Variants in FAM171B observed in about 807,000 individuals in gnomAD.
FAM171B encodes protein FAM171B.
Under a neutral mutation model 75.6 loss-of-function variants are expected in FAM171B, and 19 were observed. That is an observed-to-expected ratio of 0.25 (90% CI 0.18 to 0.37). The LOEUF (loss-of-function observed/expected upper bound fraction) is 0.37, where lower values mean the gene tolerates loss of function less well. Ranked by LOEUF, FAM171B falls within the 10% of genes least tolerant of loss-of-function variation. The pLI, the probability that FAM171B is intolerant of heterozygous loss-of-function variation, is 1.00. For synonymous variants in FAM171B, 367 were observed against 361.7 expected, an observed-to-expected ratio of 1.01 and a Z score of -0.17; for missense variants, 848 against 982.4, an observed-to-expected ratio of 0.86 and a Z score of 1.83.
intron 1 of FAM171B, among the ~76,000 whole-genome samples, chr2:186,737,931 T>A (rs1690227751): frequency 6.6e-6 from 1 of 152,230 alleles, no homozygotes; most frequent in Non-Finnish European, 1.5e-5. Context: ...CAGCAGGCTG[T>A]GCTCGGCTCG....
At chr2:186,722,166 T>C (rs1689965720) in intron 1 of FAM171B, among the ~76,000 whole-genome samples, 2 of 152,294 alleles carry the variant, frequency 1.3e-5, no homozygotes, top group Middle Eastern at 3.4e-3. Context: ...GCATGGAAAA[T>C]TTAAAATGTC....
chr2:186,695,080 A>AG (rs1229484690), intron 1 of FAM171B: 2 of 152,260 alleles, frequency 1.3e-5, no homozygotes, highest in Non-Finnish European at 2.9e-5. Flanking sequence ...GGAAAAGGAG[A>AG]GGGGGACACA....
chr2:186,762,599 T>C lies in FAM171B; in HGVS notation c.2257T>C (p.Cys753Arg). ...LSSSESGTTV[C>R]SPEDPALRHI... ...CAGCAGTGAGAGTGGAACCACCGTC[T>C]GTTCCCCTGAGGACCCAGCTTTAAG... Residue 753 changes from cysteine (C) to arginine (R), a missense_variant, in exon 8 of 8, where the codon TGT becomes CGT. Physicochemically the swap from Cys to Arg is radical, Grantham distance 180 (BLOSUM62 -3). This residue lies in a region of FAM171B where 136 missense variants were observed against 159.3 expected (regional missense o/e 0.85). Coordinates refer to ENST00000304698, the MANE Select transcript of FAM171B (RefSeq NM_177454.4). This position sits in a 1 kb window ranked among gnomAD's most constrained non-coding sequence, Gnocchi z 4.0. 1 of 1,613,448 alleles carries C rather than the reference T, an allele frequency of 6.2e-7. No homozygotes were observed.
chr2:186,700,234 T>C (rs565286831), intron 1 of FAM171B, among the ~76,000 whole-genome samples: 42 of 151,844 alleles, frequency 2.8e-4, no homozygotes, highest in Non-Finnish European at 4.3e-4. Context: ...ATGGACTGAG[T>C]TTTGTTTTTT....
intron 1 of FAM171B, among the ~76,000 whole-genome samples, chr2:186,735,655 C>T (rs1690188803): frequency 1.3e-5 from 2 of 152,160 alleles, no homozygotes; most frequent in Admixed American, 1.3e-4. Context: ...AGCTTGAAGG[C>T]AACAGGCAAG....
chr2:186,721,602 G>T (rs1689955043), intron 1 of FAM171B, among the ~76,000 whole-genome samples: 1 of 152,032 alleles, frequency 6.6e-6, no homozygotes, highest in African/African-American at 2.4e-5. Flanking sequence ...AACATTGTTA[G>T]CCAGAATAAT....
intron 1 of FAM171B, among the ~76,000 whole-genome samples, chr2:186,715,143 A>G (rs1251246853): frequency 1.3e-5 from 2 of 152,164 alleles, no homozygotes; most frequent in African/African-American, 4.8e-5. Flanking sequence ...AACATTTACT[A>G]CGCCCAGAAT....
intron 1 of FAM171B, among the ~76,000 whole-genome samples, chr2:186,708,857 C>T (rs1689770640): frequency 6.6e-6 from 1 of 152,104 alleles, no homozygotes; most frequent in Non-Finnish European, 1.5e-5. Context: ...TCACGATATA[C>T]TTAGGTTGAA....
chr2:186,746,554 A>G (rs1574110278), intron 3 of FAM171B, among the ~76,000 whole-genome samples: 1 of 152,350 alleles, frequency 6.6e-6, no homozygotes, highest in Non-Finnish European at 1.5e-5. Flanking sequence ...ACTCTCCACT[A>G]TTTGAATGCT....
rs1210748256 is a variant in FAM171B, at chr2:186,765,405, T to C, written c.*2582T>C. 2 of 152,078 alleles carry C rather than the reference T, an allele frequency of 1.3e-5. No homozygotes were observed. Among genetic ancestry groups the C allele is most frequent in the Non-Finnish European group, 1.5e-5 (1 of 67,958 alleles). The allele number at this position is 152,078 out of a possible 1,614,324, so 9.4% of individuals were successfully genotyped here. On this transcript the variant is annotated 3_prime_UTR_variant, in exon 8 of 8. Transcript: ENST00000304698. ...AGCTGTATGTATTTTTGAATACATA[T>C]TATGATCTTGAGACTTTATAAATCA... is the stretch of plus-strand genomic sequence containing the variant.
chr2:186,720,317 C>T (rs1478998896), intron 1 of FAM171B, among the ~76,000 whole-genome samples: 1 of 152,188 alleles, frequency 6.6e-6, no homozygotes, highest in Non-Finnish European at 1.5e-5. Context: ...GGATTACAGA[C>T]GTGAGCCACC....
intron 1 of FAM171B, among the ~76,000 whole-genome samples, chr2:186,727,823 A>T (rs1197904045): frequency 6.6e-6 from 1 of 152,136 alleles, no homozygotes; most frequent in Non-Finnish European, 1.5e-5. Context: ...TTTGGAATTA[A>T]ATTTGGAACC....
intron 3 of FAM171B, 71 bp downstream of exon 3, chr2:186,743,646 A>T (rs1489112335): frequency 9.7e-7 from 1 of 1,030,526 alleles, no homozygotes; most frequent in Non-Finnish European, 1.5e-6. Flanking sequence ...TTCACTAAGA[A>T]TCAGTGTGAA....
intron 1 of FAM171B, among the ~76,000 whole-genome samples, chr2:186,716,094 C>T (rs559921501): frequency 6.6e-6 from 1 of 152,236 alleles, no homozygotes; most frequent in South Asian, 2.1e-4. Flanking sequence ...CTCACTGCAG[C>T]CTCAAACTCC....
chr2:186,704,335 T>G (rs1026014198), intron 1 of FAM171B, among the ~76,000 whole-genome samples: 23 of 152,162 alleles, frequency 1.5e-4, no homozygotes, highest in African/African-American at 5.1e-4. Context: ...ATGTAATAAT[T>G]TTTTTAAAAA....
Position 186,694,388 on chromosome 2 carries a change from C to T in FAM171B, c.215C>T (p.Ala72Val), listed in dbSNP as rs1162070955. 6.2e-7 allele frequency: 1 copy of T among 1,612,368 alleles called. No homozygotes were observed. Among genetic ancestry groups the T allele is most frequent in the Admixed American group, 1.7e-5 (1 of 59,718 alleles). ...AEEERTEVPG[A>V]TSTLTVPVSV... The stretch of plus-strand genomic sequence containing the variant: ...GAGGAGAGGACAGAGGTGCCTGGGG[C>T]AACCTCCACCTTGACGGTTCCAGGT... Residue 72 changes from alanine to valine, a missense_variant, in exon 1 of 8, where the codon GCA becomes GTA. Physicochemically the swap from Ala to Val is moderately conservative, Grantham distance 64. Around this residue, in one of 3 missense-constraint regions of FAM171B, gnomAD observed 665 missense variants for 729.0 expected, o/e 0.91. Coordinates refer to ENST00000304698, the MANE Select transcript of FAM171B (RefSeq NM_177454.4).
chr2:186,703,651 C>G (rs1040686975), intron 1 of FAM171B, among the ~76,000 whole-genome samples: 1 of 152,188 alleles, frequency 6.6e-6, no homozygotes, highest in Admixed American at 6.5e-5. Flanking sequence ...ACCCATTCCA[C>G]TCTTGCCTCC....
chr2:186,740,518 TTC>T, intron 2 of FAM171B, 57 bp downstream of exon 2: 1 of 1,419,406 alleles, frequency 7.0e-7, no homozygotes, highest in South Asian at 1.3e-5. Context: ...ATGAATTATT[TTC>T]TCTGTTTGGG....
intron 1 of FAM171B, among the ~76,000 whole-genome samples, chr2:186,728,492 A>G: frequency 6.6e-6 from 1 of 152,200 alleles, no homozygotes; most frequent in Non-Finnish European, 1.5e-5. Flanking sequence ...ATTCATGTAA[A>G]TGAACATTTC....
Sources: allele counts gnomAD v4.1 joint callset (sites outside exome capture counted in the v4.1 genomes callset), GRCh38; gene constraint gnomAD v4.1.1; regional missense constraint gnomAD v4.1.1; non-coding constraint Gnocchi (gnomAD v3.1); transcripts MANE v1.5; gene names NCBI Gene and HGNC (gene_info 2026-07-23, HGNC 2026-07-21).